Variants in ATP10B observed in about 807,000 individuals in gnomAD.
ATP10B encodes the protein phospholipid-transporting ATPase VB.
In ATP10B, 122 loss-of-function variants were observed where a neutral mutation model predicts 141.2. That is an observed-to-expected ratio of 0.86 (90% CI 0.75 to 1.00). ATP10B has a LOEUF of 1.00. ATP10B is among the 50% of genes least tolerant of loss of function. The probability of loss-of-function intolerance (pLI) is 0.00; values close to 1 mark genes in which losing one functional copy is unlikely to be tolerated. For synonymous variants in ATP10B, 685 were observed against 692.0 expected, an observed-to-expected ratio of 0.99 and a Z score of 0.16; for missense variants, 1,876 against 1,825.3, an observed-to-expected ratio of 1.03 and a Z score of -0.51.
chr5:160,895,836 A>G, the ATP10B span, among the ~76,000 whole-genome samples: 6 of 152,230 alleles, frequency 3.9e-5, no homozygotes, highest in African/African-American at 7.2e-5. Context: ...AACGGAAATC[A>G]TAACAAACAG....
intron 1 of ATP10B, among the ~76,000 whole-genome samples, chr5:160,821,751 A>C (rs1451787441): frequency 1.3e-5 from 2 of 152,100 alleles, no homozygotes; most frequent in East Asian, 3.8e-4. Flanking sequence ...AAGAACATAC[A>C]GTGGGGGAAA....
intron 1 of ATP10B, among the ~76,000 whole-genome samples, chr5:160,798,732 G>T (rs1772135637): frequency 6.8e-6 from 1 of 146,132 alleles, no homozygotes; most frequent in Non-Finnish European, 1.5e-5. Flanking sequence ...TCAAGGAAAA[G>T]ACTTTTTCTC....
chr5:160,653,824 G>A (rs1375524916), intron 7 of ATP10B, among the ~76,000 whole-genome samples: 5 of 120,364 alleles, frequency 4.2e-5, no homozygotes, highest in Non-Finnish European at 8.0e-5. Flanking sequence ...TTATATAGAC[G>A]TATATACATA....
chr5:160,620,733 T>A lies in ATP10B; in HGVS notation c.2030A>T (p.Asp677Val). 1 of 1,614,178 alleles carries A rather than the reference T, an allele frequency of 6.2e-7. No individual in the cohort carries two copies. The highest frequency in any genetic ancestry group is 8.5e-7 in the Non-Finnish European group (1 of 1,180,018). Residue 677 changes from aspartate to valine, a missense_variant, in exon 15 of 26, where the codon GAC (aspartate) becomes GTC (valine). Coordinates refer to ENST00000327245, the MANE Select transcript of ATP10B (RefSeq NM_025153.3). ...SVCSGGDSTD[D>V]GGYRSSMWDQ... ...CCACATGCTGCTCCTGTAGCCACCG[T>A]CATCAGTGGAGTCACCTCCACTGCA...
intron 21 of ATP10B, among the ~76,000 whole-genome samples, chr5:160,600,256 C>T (rs1757027481): frequency 6.6e-6 from 1 of 152,180 alleles, no homozygotes; most frequent in Non-Finnish European, 1.5e-5. Context: ...ATCCAAGGTT[C>T]TGACATACTG....
chr5:160,865,853 C>G, the ATP10B span, among the ~76,000 whole-genome samples: 1 of 152,076 alleles, frequency 6.6e-6, no homozygotes, highest in South Asian at 2.1e-4. Flanking sequence ...CAAATCAAAA[C>G]TACAATGTGA....
chr5:160,682,508 T>A (rs1337763907), intron 6 of ATP10B, among the ~76,000 whole-genome samples: 1 of 152,270 alleles, frequency 6.6e-6, no homozygotes, highest in Middle Eastern at 3.4e-3. Context: ...TCCTGCCAGC[T>A]CCCAGCACAG....
chr5:160,855,593 T>C (rs114992824), upstream of ATP10B, among the ~76,000 whole-genome samples: 896 of 152,042 alleles, frequency 5.9e-3, 12 homozygotes, highest in African/African-American at 0.021. Context: ...TCACAGGGTA[T>C]TACACAGATC....
chr5:160,775,981 G>A (rs558086404), intron 2 of ATP10B, among the ~76,000 whole-genome samples: 1 of 152,232 alleles, frequency 6.6e-6, no homozygotes, highest in African/African-American at 2.4e-5. Context: ...AATCATTGTA[G>A]CTGCCTCACA....
intron 1 of ATP10B, among the ~76,000 whole-genome samples, chr5:160,813,420 G>T (rs560289814): frequency 2.6e-5 from 4 of 152,214 alleles, no homozygotes; most frequent in Non-Finnish European, 5.9e-5. Flanking sequence ...CTGCAAGGCA[G>T]CAGTGAGGCT....
intron 2 of ATP10B, among the ~76,000 whole-genome samples, chr5:160,777,366 A>G (rs1248593989): frequency 2.0e-5 from 3 of 152,054 alleles, no homozygotes; most frequent in Non-Finnish European, 4.4e-5. Flanking sequence ...AGGCTGCCCT[A>G]CCCTCCTATT....
At chr5:160,829,707 T>A (rs1309352167) in intron 1 of ATP10B, among the ~76,000 whole-genome samples, 2 of 152,104 alleles carry the variant, frequency 1.3e-5, no homozygotes, top group Admixed American at 6.6e-5. Flanking sequence ...GTATTTCACT[T>A]TTTTTGTGGT....
intron 1 of ATP10B, among the ~76,000 whole-genome samples, chr5:160,792,379 G>A (rs1771640786): frequency 6.6e-6 from 1 of 152,110 alleles, no homozygotes; most frequent in Non-Finnish European, 1.5e-5. Flanking sequence ...GGATCTAAGT[G>A]TTATCTGGGT....
the ATP10B span, among the ~76,000 whole-genome samples, chr5:160,878,772 A>G: frequency 6.6e-6 from 1 of 152,090 alleles, no homozygotes; most frequent in Non-Finnish European, 1.5e-5. Context: ...GCAGCCAAAA[A>G]ACACATGAAG....
At chr5:160,628,852 A>G (rs772699237) in intron 13 of ATP10B, among the ~76,000 whole-genome samples, 1 of 152,108 alleles carries the variant, frequency 6.6e-6, no homozygotes, top group South Asian at 2.1e-4. Context: ...CACCATTTTT[A>G]TAAGTATATT....
At chr5:160,707,928 C>T (rs112241108) in intron 3 of ATP10B, among the ~76,000 whole-genome samples, 1 of 152,184 alleles carries the variant, frequency 6.6e-6, no homozygotes, top group Admixed American at 6.5e-5. Flanking sequence ...AGAGTGATGT[C>T]CCCCGGCTGG....
the ATP10B span, among the ~76,000 whole-genome samples, chr5:160,910,684 A>G: frequency 6.6e-6 from 1 of 152,362 alleles, no homozygotes; most frequent in South Asian, 2.1e-4. Flanking sequence ...TTTTGAGGCT[A>G]TGAAAAGGGG....
intron 2 of ATP10B, among the ~76,000 whole-genome samples, chr5:160,751,656 C>T (rs913475749): frequency 2.0e-5 from 3 of 152,192 alleles, no homozygotes; most frequent in African/African-American, 7.2e-5. Flanking sequence ...AATGATCCAT[C>T]AGAACTGATG....
intron 3 of ATP10B, among the ~76,000 whole-genome samples, chr5:160,698,693 A>G (rs1196339807): frequency 2.0e-5 from 3 of 152,108 alleles, no homozygotes; most frequent in Non-Finnish European, 2.9e-5. Context: ...GATGAGATAT[A>G]TATATATACA....
Sources: gnomAD v4.1 joint callset for allele counts (sites outside exome capture counted in the v4.1 genomes callset) on GRCh38, gnomAD v4.1.1 for gene constraint, MANE v1.5 for transcripts, NCBI Gene and HGNC (gene_info 2026-07-23, HGNC 2026-07-21) for gene names.